The following CAMK1D variants were observed in gnomAD, a reference collection of about 807,000 sequenced individuals.
CAMK1D encodes calcium/calmodulin-dependent protein kinase type 1D.
CAMK1D carries 9 observed loss-of-function variants against 47.7 expected under a neutral mutation model. The ratio of observed to expected loss-of-function variants is 0.19; its 90% CI spans 0.11 to 0.33. The LOEUF is 0.33. CAMK1D is among the 10% of genes least tolerant of loss of function. The pLI is 1.00. For synonymous variants in CAMK1D, 184 were observed against 184.9 expected (o/e 0.99, Z 0.04); for missense variants, 291 against 488.7 (o/e 0.60, Z 3.81).
chr10:12,595,892 T>C (rs2132374665), intron 2 of CAMK1D, among the ~76,000 whole-genome samples: 1 of 152,322 alleles, frequency 6.6e-6, no homozygotes, highest in East Asian at 1.9e-4. Flanking sequence ...TGAATGCATC[T>C]CATCGCTTCC....
intron 3 of CAMK1D, among the ~76,000 whole-genome samples, chr10:12,723,142 C>T (rs894563746): frequency 1.3e-5 from 2 of 152,090 alleles, no homozygotes; most frequent in South Asian, 2.1e-4. Flanking sequence ...CAGGCCCACA[C>T]GTCTTAAAGC....
rs1481741397 is a variant in CAMK1D at position 12,672,684 on chromosome 10, A to G, written c.299+5874A>G. On this transcript the variant is annotated intron_variant, in intron 3 of 10. Transcript: ENST00000619168. ...CTGTGCCGGGTCAGCTTTTCTACCT[A>G]GGTATATTTCATGATCAATTTCAGG... 4.0e-5 allele frequency among the ~76,000 whole-genome samples: 6 copies of G among 151,856 alleles called. No individual in the cohort carries two copies. In the East Asian group the frequency reaches 1.2e-3, roughly 29 times the overall value.
intron 3 of CAMK1D, among the ~76,000 whole-genome samples, chr10:12,739,826 G>A (rs920591024): frequency 6.6e-6 from 1 of 152,030 alleles, no homozygotes; most frequent in Non-Finnish European, 1.5e-5. Context: ...CTCAGCTACC[G>A]ACCCATCGAA....
At chr10:12,613,873 C>T (rs568550504) in intron 2 of CAMK1D, among the ~76,000 whole-genome samples, 5 of 152,204 alleles carry the variant, frequency 3.3e-5, no homozygotes, top group Admixed American at 6.5e-5. Context: ...AATAATATCC[C>T]GATTGTACAG....
chr10:12,501,240 G>C (rs1834693933), intron 1 of CAMK1D, among the ~76,000 whole-genome samples: 1 of 152,180 alleles, frequency 6.6e-6, no homozygotes, highest in African/African-American at 2.4e-5. Context: ...TAGTGCCCTG[G>C]GGGCAGAATT....
intron 1 of CAMK1D, among the ~76,000 whole-genome samples, chr10:12,538,885 CAA>C (rs60713871): frequency 2.7e-3 from 244 of 89,134 alleles, no homozygotes; most frequent in African/African-American, 6.1e-3. Context: ...AAAACTGAGG[CAA>C]AAAAAAAAAA....
chr10:12,555,528 G>C (rs1836732924), intron 2 of CAMK1D, among the ~76,000 whole-genome samples: 1 of 152,186 alleles, frequency 6.6e-6, no homozygotes, highest in East Asian at 1.9e-4. Context: ...AAGAGAATCT[G>C]GGAAAACAAA....
chr10:12,562,808 G>T lies in CAMK1D; in HGVS notation c.224+9452G>T, dbSNP rs1010585258. Among the ~76,000 whole-genome samples the T allele has an allele frequency of 2.0e-5, 3 of 152,234 alleles. No individual in the cohort carries two copies. The South Asian group carries it at 6.2e-4, about 32-fold the overall frequency. ...CCAAACTGTGGACTTCCTGAATCTA[G>T]CCCTGAACTAAAGGCAACATGGTGG... On this transcript the variant is annotated intron_variant, in intron 2 of 10. Transcript: ENST00000619168.
intron 6 of CAMK1D, among the ~76,000 whole-genome samples, chr10:12,804,769 A>AT (rs1838642817): frequency 9.5e-6 from 1 of 105,422 alleles, no homozygotes. Flanking sequence ...CCCTGTCTGT[A>AT]CCAAAAAAAA....
intron 6 of CAMK1D, among the ~76,000 whole-genome samples, chr10:12,801,379 TATCTATCTATCTATCC>T (rs1838466050): frequency 6.9e-6 from 1 of 145,604 alleles, no homozygotes; most frequent in African/African-American, 2.8e-5. Context: ...TCTATCTATC[TATCTATCTATCTATCC>T]ATCCATCTGT....
intron 1 of CAMK1D, among the ~76,000 whole-genome samples, chr10:12,522,610 C>T (rs1440811205): frequency 6.6e-6 from 1 of 152,056 alleles, no homozygotes; most frequent in Non-Finnish European, 1.5e-5. Flanking sequence ...TCCACACAGA[C>T]ACAGCAACCA....
At chr10:12,637,664 A>G (rs990075538) in intron 2 of CAMK1D, among the ~76,000 whole-genome samples, 3 of 152,208 alleles carry the variant, frequency 2.0e-5, no homozygotes, top group Non-Finnish European at 4.4e-5. Context: ...ACAATTGTGC[A>G]AATATTAGTA....
intron 3 of CAMK1D, among the ~76,000 whole-genome samples, chr10:12,746,535 G>A (rs1835689547): frequency 6.6e-6 from 1 of 152,074 alleles, no homozygotes; most frequent in South Asian, 2.1e-4. Context: ...TGTTTTGGGG[G>A]TCTCTGAGCA....
At chr10:12,751,106 GATAAGATAAGATAA>G (rs1835951019) in intron 3 of CAMK1D, among the ~76,000 whole-genome samples, 1 of 90,498 alleles carries the variant, frequency 1.1e-5, no homozygotes, top group African/African-American at 4.3e-5. Context: ...GATAAGATAA[GATAAGATAAGATAA>G]GATAAGAAGG....
chr10:12,475,598 A>AATAG, intron 1 of CAMK1D, among the ~76,000 whole-genome samples: 1 of 152,178 alleles, frequency 6.6e-6, no homozygotes, highest in South Asian at 2.1e-4. Flanking sequence ...TGAGTGTACA[A>AATAG]ATATCTGTTT....
intron 2 of CAMK1D, among the ~76,000 whole-genome samples, chr10:12,650,139 C>T (rs1344412494): frequency 2.6e-5 from 4 of 152,226 alleles, no homozygotes; most frequent in African/African-American, 2.4e-5. Flanking sequence ...GAGGGGCTGC[C>T]GACCACGTGA....
At chr10:12,474,936 C>CT (rs1833859667) in intron 1 of CAMK1D, among the ~76,000 whole-genome samples, 1 of 151,074 alleles carries the variant, frequency 6.6e-6, no homozygotes, top group South Asian at 2.1e-4. Context: ...TGATCTTGTT[C>CT]TTTTTTATGG....
chr10:12,801,229 CCA>C, intron 6 of CAMK1D, among the ~76,000 whole-genome samples: 1 of 104,960 alleles, frequency 9.5e-6, no homozygotes, highest in African/African-American at 9.5e-5. Flanking sequence ...TAGTATCCAT[CCA>C]TCCATCCATC....
intron 3 of CAMK1D, among the ~76,000 whole-genome samples, chr10:12,715,059 T>C (rs555982833): frequency 6.6e-6 from 1 of 152,290 alleles, no homozygotes; most frequent in Admixed American, 6.5e-5. Flanking sequence ...ATTCCTTCTA[T>C]CGAACTGTAT....
Sources: gnomAD v4.1 joint callset for allele counts (sites outside exome capture counted in the v4.1 genomes callset) on GRCh38, gnomAD v4.1.1 for gene constraint, MANE v1.5 for transcripts, NCBI Gene and HGNC (gene_info 2026-07-23, HGNC 2026-07-21) for gene names.